CPQ: variants seen among roughly 807,000 people sequenced by gnomAD.
CPQ encodes Ser-Met dipeptidase.
Under a neutral mutation model 45.7 loss-of-function variants are expected in CPQ, and 37 were observed. The observed-to-expected ratio is 0.81, with a 90% CI of 0.62 to 1.07. CPQ has a LOEUF of 1.07. CPQ is among the 50% of genes least tolerant of loss of function. The pLI, the probability that CPQ is intolerant of heterozygous loss-of-function variation, is 0.00. For synonymous variants in CPQ, 186 were observed against 205.8 expected (o/e 0.90, Z 0.82); for missense variants, 537 against 572.9 (o/e 0.94, Z 0.64).
chr8:96,715,997 G>T (rs939233874), intron 1 of CPQ, among the ~76,000 whole-genome samples: 1 of 152,230 alleles, frequency 6.6e-6, no homozygotes, highest in Admixed American at 6.5e-5. Flanking sequence ...CATAGACTCT[G>T]TGAGATCCTT....
At chr8:96,885,670 A>G (rs1469119861) in intron 4 of CPQ, among the ~76,000 whole-genome samples, 1 of 152,198 alleles carries the variant, frequency 6.6e-6, no homozygotes, top group African/African-American at 2.4e-5. Context: ...ATTCATCCAT[A>G]AGCCTGGACC....
chr8:97,097,501 G>A (rs1347572106), intron 7 of CPQ, among the ~76,000 whole-genome samples: 1 of 152,140 alleles, frequency 6.6e-6, no homozygotes, highest in Admixed American at 6.5e-5. Flanking sequence ...CCTACTCTCT[G>A]TCAAGAATAA....
rs529828583 is a variant in CPQ at position 96,835,016 on chromosome 8, G to A, written c.477G>A (p.Leu159=). 33 of 1,613,728 alleles carry A rather than the reference G, an allele frequency of 2.0e-5. No individual in the cohort carries two copies. Among genetic ancestry groups the A allele is most frequent in the Middle Eastern group, 1.7e-4 (1 of 6,060 alleles). Residue 159 remains leucine, a synonymous_variant, in exon 3 of 8, where the codon CTG becomes CTA. Coordinates refer to ENST00000220763, the MANE Select transcript of CPQ (RefSeq NM_016134.4). ...EVLVVTSFDE[L]QRRASEARGK... ...TGGTGGTGACCTCTTTCGATGAACT[G>A]CAGAGAAGGGCCTCAGAAGCAAGAG...
At chr8:96,926,576 C>CTTCTTCTTCTTCTTCTTCTTATTCT (rs1812882233) in intron 4 of CPQ, among the ~76,000 whole-genome samples, 5 of 74,976 alleles carry the variant, frequency 6.7e-5, no homozygotes, top group African/African-American at 4.1e-4. Context: ...CTTCCTCTTC[C>CTTCTTCTTCTTCTTCTTCTTATTCT]TCTTCTTCTT....
At chr8:96,751,445 G>T (rs1263592484) in intron 1 of CPQ, among the ~76,000 whole-genome samples, 1 of 152,148 alleles carries the variant, frequency 6.6e-6, no homozygotes, top group Non-Finnish European at 1.5e-5. Context: ...CTTTTGAGAA[G>T]TGTCTGTTCA....
At chr8:96,856,161 G>T (rs914148581) in intron 3 of CPQ, among the ~76,000 whole-genome samples, 1 of 152,220 alleles carries the variant, frequency 6.6e-6, no homozygotes, top group Non-Finnish European at 1.5e-5. Flanking sequence ...GCAGAGGAGT[G>T]ATATGATCTA....
At chr8:96,655,831 G>A (rs376715974) in intron 1 of CPQ, among the ~76,000 whole-genome samples, 1 of 152,134 alleles carries the variant, frequency 6.6e-6, no homozygotes. Flanking sequence ...ATCATAAATT[G>A]GGGACCGTCT....
chr8:96,877,187 A>G (rs1417958728), intron 3 of CPQ, among the ~76,000 whole-genome samples: 1 of 152,178 alleles, frequency 6.6e-6, no homozygotes, highest in South Asian at 2.1e-4. Context: ...CTGAGTCTTC[A>G]TTTTGCCTCC....
In CPQ at chr8:96,835,006, T is replaced by G; in HGVS notation, c.467T>G (p.Phe156Cys). ...ITAEVLVVTSFDELQRRASEA... is the reference protein window; with the variant it reads ...ITAEVLVVTSCDELQRRASEA... ...GCAGAAGTTCTGGTGGTGACCTCTT[T>G]CGATGAACTGCAGAGAAGGGCCTCA... The change falls in exon 3 of 8, where the codon TTC (phenylalanine) becomes TGC (cysteine). Residue 156 changes from phenylalanine to cysteine, a missense_variant. By Grantham distance (205) the Phe-to-Cys change is radical (BLOSUM62 -2). Transcript: ENST00000220763. The G allele has an allele frequency of 3.7e-6, 6 of 1,613,646 alleles. No homozygotes were observed. Among genetic ancestry groups the G allele is most frequent in the South Asian group, 1.1e-5 (1 of 91,028 alleles).
intron 2 of CPQ, among the ~76,000 whole-genome samples, chr8:96,790,094 G>A (rs1439217321): frequency 2.0e-5 from 3 of 152,074 alleles, no homozygotes; most frequent in Non-Finnish European, 4.4e-5. Flanking sequence ...TCTTCACCAA[G>A]CTCTCCATTA....
intron 2 of CPQ, among the ~76,000 whole-genome samples, chr8:96,786,359 ATTCT>A (rs752549361): frequency 6.6e-6 from 1 of 151,990 alleles, no homozygotes; most frequent in Non-Finnish European, 1.5e-5. Context: ...TCAGTATTTC[ATTCT>A]TTTTATTGCT....
chr8:97,046,210 T>G (rs1554585837), intron 6 of CPQ, among the ~76,000 whole-genome samples: 1 of 152,172 alleles, frequency 6.6e-6, no homozygotes, highest in Non-Finnish European at 1.5e-5. Context: ...CACTTATGTG[T>G]GTAAAAAACA....
chr8:97,059,931 T>C (rs778787382), intron 6 of CPQ, among the ~76,000 whole-genome samples: 3 of 152,118 alleles, frequency 2.0e-5, no homozygotes, highest in Non-Finnish European at 4.4e-5. Context: ...TTAATTCAAA[T>C]AGTTAGGAGT....
At chr8:96,796,401 C>T (rs557853751) in intron 2 of CPQ, among the ~76,000 whole-genome samples, 1 of 151,998 alleles carries the variant, frequency 6.6e-6, no homozygotes, top group Non-Finnish European at 1.5e-5. Context: ...TTTAATAAAT[C>T]AATTGTAATT....
At chr8:96,836,516 C>G (rs6985904) in intron 3 of CPQ, among the ~76,000 whole-genome samples, 91,357 of 151,950 alleles carry the variant, frequency 0.6, 28,185 homozygotes, top group East Asian at 0.89. Flanking sequence ...ATAATGATTG[C>G]ACCATATTCT....
intron 1 of CPQ, among the ~76,000 whole-genome samples, chr8:96,745,422 G>T (rs2130782199): frequency 6.6e-6 from 1 of 152,262 alleles, no homozygotes; most frequent in East Asian, 1.9e-4. Flanking sequence ...TATAAAAGAG[G>T]GATTAAAACA....
chr8:96,939,600 A>G (rs1052400680), intron 4 of CPQ, among the ~76,000 whole-genome samples: 1 of 152,164 alleles, frequency 6.6e-6, no homozygotes, highest in Non-Finnish European at 1.5e-5. Context: ...AGTCTTTTAC[A>G]ATTTGCTTTT....
chr8:96,668,453 G>A (rs557693848), intron 1 of CPQ, among the ~76,000 whole-genome samples: 3 of 152,122 alleles, frequency 2.0e-5, no homozygotes, highest in Non-Finnish European at 4.4e-5. Context: ...TTTGAAGAAG[G>A]GAGTAATTTA....
rs187895625 is a variant in CPQ, at chr8:96,778,697, C to T, written c.-34-6167C>T. On this transcript the variant is annotated intron_variant, in intron 1 of 7. Coordinates refer to ENST00000220763, the MANE Select transcript of CPQ (RefSeq NM_016134.4). ...TTAGAATAACACTCAGTTTCTGTTT[C>T]AAAGTGATTATATCATTTTAGTATC... is the stretch of plus-strand genomic sequence containing the variant. 3.7e-3 allele frequency among the ~76,000 whole-genome samples: 564 copies of T among 152,222 alleles called. 8 individuals carry two copies. The highest frequency in any genetic ancestry group is 0.011 in the Admixed American group (173 of 15,280).
Sources: allele counts gnomAD v4.1 joint callset (sites outside exome capture counted in the v4.1 genomes callset), GRCh38; gene constraint gnomAD v4.1.1; transcripts MANE v1.5; gene names NCBI Gene and HGNC (gene_info 2026-07-23, HGNC 2026-07-21).